PPP4R3B: variants seen among roughly 807,000 people sequenced by gnomAD.
The protein encoded by PPP4R3B is serine/threonine-protein phosphatase 4 regulatory subunit 3B.
Under a neutral mutation model 95.4 loss-of-function variants are expected in PPP4R3B, and 52 were observed. The observed-to-expected ratio is 0.54, with a 90% CI of 0.44 to 0.69. The LOEUF is 0.69. Among genes scored for constraint, PPP4R3B ranks in the 30% least tolerant of loss-of-function variants. PPP4R3B has a pLI of 0.00. For synonymous variants in PPP4R3B, 407 were observed against 343.9 expected, an observed-to-expected ratio of 1.18 and a Z score of -2.03; for missense variants, 1,003 against 1,005.9, an observed-to-expected ratio of 1.00 and a Z score of 0.04.
intron 12 of PPP4R3B, among the ~76,000 whole-genome samples, chr2:55,571,273 A>G (rs7574409): frequency 0.71 from 107,379 of 151,668 alleles, 38,765 homozygotes; most frequent in Non-Finnish European, 0.77. Context: ...CTGTGCCACT[A>G]CACTCCAGCC....
chr2:55,556,631 TTA>T, intron 16 of PPP4R3B, among the ~76,000 whole-genome samples: 2 of 144,044 alleles, frequency 1.4e-5, no homozygotes, highest in African/African-American at 5.7e-5. Flanking sequence ...TTACTTTGAT[TTA>T]AAAAAAAAAA....
rs746858767 is a variant in PPP4R3B at position 55,568,314 on chromosome 2, A to G, written c.1815T>C (p.Tyr605=). 7.5e-6 allele frequency: 12 copies of G among 1,608,318 alleles called. No individual in the cohort carries two copies. Among genetic ancestry groups the G allele is most frequent in the Non-Finnish European group, 9.3e-6 (11 of 1,177,742 alleles). ...RRIIGLKDEF[Y]NRYITKGNLF... The stretch of plus-strand genomic sequence containing the variant: ...GATTTCCCTTGGTGATGTAACGATT[A>G]TAAAATTCATCTTTAAGTCCAATTA... Residue 605 remains tyrosine (Y), a synonymous_variant, in exon 13 of 17, where the codon TAT becomes TAC. Coordinates refer to ENST00000616407, the MANE Select transcript of PPP4R3B (RefSeq NM_001122964.3).
At chr2:55,600,070 A>T (rs1692332245) in intron 3 of PPP4R3B, among the ~76,000 whole-genome samples, 1 of 152,166 alleles carries the variant, frequency 6.6e-6, no homozygotes, top group African/African-American at 2.4e-5. Context: ...ATCATTCTCC[A>T]ATCCCCTTAA....
intron 14 of PPP4R3B, 58 bp downstream of exon 14, chr2:55,564,844 T>G: frequency 1.3e-6 from 2 of 1,575,638 alleles, no homozygotes. Context: ...AAATCTGAAC[T>G]ACAAACAATT....
intron 11 of PPP4R3B, among the ~76,000 whole-genome samples, chr2:55,574,760 AT>A (rs931952192): frequency 6.7e-6 from 1 of 149,946 alleles, no homozygotes; most frequent in African/African-American, 2.5e-5. Flanking sequence ...TGCCCAGCTA[AT>A]TTTTTTGTAT....
In PPP4R3B at chr2:55,578,256, T is replaced by C; in HGVS notation, c.1555A>G (p.Ile519Val). 3 of 1,462,908 alleles carry C rather than the reference T, an allele frequency of 2.1e-6. No homozygotes were observed. The highest frequency in any genetic ancestry group is 2.4e-5 in the Admixed American group (1 of 41,726). The allele number at this position is 1,462,908 out of a possible 1,614,324, so 90.6% of individuals were successfully genotyped here. ...TCCAAATTCAGCATACCTTGAGAGA[T>C]GGAGGAAGAGGGGGTAGAATGGGAA... ...SHSHSTPSSS[I>V]SQDNIVGSNK... is the part of the protein sequence containing the mutation. Residue 519 changes from isoleucine (I) to valine (V), a missense_variant, in exon 10 of 17, where the codon ATC (isoleucine) becomes GTC (valine). By Grantham distance (29) the Ile-to-Val change is conservative. Transcript: ENST00000616407.
chr2:55,569,220 C>T (rs1032356385), intron 12 of PPP4R3B, among the ~76,000 whole-genome samples: 6 of 152,246 alleles, frequency 3.9e-5, no homozygotes, highest in Non-Finnish European at 7.4e-5. Context: ...GTAACACCAG[C>T]GTCTGGGAAG....
At chr2:55,603,953 T>A (rs1240639425) in intron 3 of PPP4R3B, 25 bp downstream of exon 3, 1 of 1,525,564 alleles carries the variant, frequency 6.6e-7, no homozygotes, top group Non-Finnish European at 8.9e-7. Flanking sequence ...AAACATTAAG[T>A]TAAATATTAT....
Position 55,558,798 on chromosome 2 carries a change from G to T in PPP4R3B, c.2431C>A (p.Pro811Thr). 1.9e-6 allele frequency: 3 copies of T among 1,611,092 alleles called. No individual in the cohort carries two copies. The highest frequency in any genetic ancestry group is 2.5e-6 in the Non-Finnish European group (3 of 1,178,218). The part of the protein sequence containing the change: ...NGSSSKTTNL[P>T]TSVTATKGSL... Reference sequence around the variant, plus strand: ...ACCTTGGTGGCTGTTACTGACGTAGGCAAGTTTGTGGTTTTGGAAGAGGAT... The same window carrying T: ...ACCTTGGTGGCTGTTACTGACGTAGTCAAGTTTGTGGTTTTGGAAGAGGAT... Residue 811 changes from proline to threonine, a missense_variant, in exon 16 of 17, where the codon CCT becomes ACT. Coordinates refer to ENST00000616407, the MANE Select transcript of PPP4R3B (RefSeq NM_001122964.3).
chr2:55,605,904 CAA>C lies in PPP4R3B; in HGVS notation c.199-1830_199-1829del, dbSNP rs35675375. 4.4e-4 allele frequency among the ~76,000 whole-genome samples: 38 copies of C among 86,378 alleles called. 1 individual carries two copies. Among genetic ancestry groups the C allele is most frequent in the East Asian group, 6.4e-4 (2 of 3,120 alleles). 56.7% of individuals were successfully genotyped at this position (86,378 alleles called of 152,430 possible). A position where few individuals can be genotyped will look rare whatever the true frequency, so the allele number is the denominator to read the frequency against. ...CTGGCAACAGTGCGAGACTCCGTCT[CAA>C]AAAAAAAAAAAAAAAAAAGAAATCC... On this transcript the variant is annotated intron_variant, in intron 2 of 16. Transcript: ENST00000616407.
chr2:55,568,074 G>A lies in PPP4R3B; in HGVS notation c.1935+120C>T, dbSNP rs1687534593. The A allele has an allele frequency of 1.4e-5, 8 of 589,072 alleles. No homozygotes were observed. In the East Asian group the frequency reaches 2.8e-4, roughly 20 times the overall value. The allele number at this position is 589,072 out of a possible 1,614,324, so 36.5% of individuals were successfully genotyped here. A position where few individuals can be genotyped will look rare whatever the true frequency, so the allele number is the denominator to read the frequency against. ...ATTAGAATAGATTCTAAGACACATG[G>A]AATATATAATTTCAGGGGTGAAAAG... is the stretch of plus-strand genomic sequence containing the variant. On this transcript the variant is annotated intron_variant, in intron 13 of 16. Coordinates refer to ENST00000616407, the MANE Select transcript of PPP4R3B (RefSeq NM_001122964.3).
intron 7 of PPP4R3B, among the ~76,000 whole-genome samples, chr2:55,584,155 C>G (rs545333363): frequency 2.0e-5 from 3 of 151,588 alleles, no homozygotes; most frequent in African/African-American, 7.3e-5. Context: ...TCAAAAAAAA[C>G]AAAAAACAAA....
intron 3 of PPP4R3B, among the ~76,000 whole-genome samples, chr2:55,602,847 G>A (rs1355698561): frequency 6.6e-6 from 1 of 152,260 alleles, no homozygotes; most frequent in African/African-American, 2.4e-5. Flanking sequence ...GCTGAATTCT[G>A]TGAGTCTTTC....
At chr2:55,554,043 T>C (rs1685551402) in intron 16 of PPP4R3B, among the ~76,000 whole-genome samples, 2 of 152,222 alleles carry the variant, frequency 1.3e-5, no homozygotes, top group Non-Finnish European at 2.9e-5. Context: ...ACCGCCAGAC[T>C]GTACTCCAAA....
chr2:55,564,018 G>T (rs557504485), intron 15 of PPP4R3B, among the ~76,000 whole-genome samples: 1 of 152,230 alleles, frequency 6.6e-6, no homozygotes, highest in East Asian at 1.9e-4. Flanking sequence ...GAGAATTTCA[G>T]TATAGAAATA....
At chr2:55,610,884 T>TC (rs1447872289) in intron 2 of PPP4R3B, among the ~76,000 whole-genome samples, 44 of 151,932 alleles carry the variant, frequency 2.9e-4, no homozygotes, top group African/African-American at 1.0e-3. Flanking sequence ...TTTTTTTTTT[T>TC]TGAGAGAGTC....
chr2:55,556,079 G>A (rs1259693554), intron 16 of PPP4R3B, among the ~76,000 whole-genome samples: 2 of 152,200 alleles, frequency 1.3e-5, no homozygotes, highest in South Asian at 2.1e-4. Flanking sequence ...TAGTGAAACT[G>A]GCTAAACCAA....
At chr2:55,555,782 G>A (rs1685778106) in intron 16 of PPP4R3B, among the ~76,000 whole-genome samples, 1 of 152,092 alleles carries the variant, frequency 6.6e-6, no homozygotes, top group South Asian at 2.1e-4. Context: ...TTCTATGCAG[G>A]AAATCTCTAA....
intron 3 of PPP4R3B, among the ~76,000 whole-genome samples, chr2:55,602,941 A>C (rs1441878895): frequency 3.3e-5 from 5 of 152,114 alleles, no homozygotes; most frequent in Admixed American, 3.3e-4. Flanking sequence ...TTTCCACAAA[A>C]ATTTCTAGGA....
Sources: gnomAD v4.1 joint callset for allele counts (sites outside exome capture counted in the v4.1 genomes callset) on GRCh38, gnomAD v4.1.1 for gene constraint, MANE v1.5 for transcripts, NCBI Gene and HGNC (gene_info 2026-07-23, HGNC 2026-07-21) for gene names.